CLVS1: variants seen among roughly 807,000 people sequenced by gnomAD.
CLVS1 encodes the protein clavesin 1, also known as clavesin-1.
Under a neutral mutation model 33.1 loss-of-function variants are expected in CLVS1, and 10 were observed. The ratio of observed to expected loss-of-function variants is 0.30; its 90% CI spans 0.19 to 0.51. The LOEUF (loss-of-function observed/expected upper bound fraction) is 0.51, where lower values mean the gene tolerates loss of function less well. Ranked by LOEUF, CLVS1 falls within the 20% of genes least tolerant of loss-of-function variation. The pLI is 0.97. For missense variants in CLVS1, 343 were observed against 433.4 expected (o/e 0.79, Z 1.85); for synonymous variants, 163 against 166.1 (o/e 0.98, Z 0.14).
the CLVS1 span, among the ~76,000 whole-genome samples, chr8:60,998,486 G>C: frequency 3.3e-5 from 5 of 152,146 alleles, no homozygotes; most frequent in Non-Finnish European, 1.5e-5. Flanking sequence ...GTGGCCATGA[G>C]AGCCTCCCTG....
At chr8:61,314,952 C>T (rs948234535) in intron 2 of CLVS1, among the ~76,000 whole-genome samples, 1 of 152,118 alleles carries the variant, frequency 6.6e-6, no homozygotes, top group African/African-American at 2.4e-5. Flanking sequence ...GATCTGTAGC[C>T]GTGCATGAAT....
At chr8:61,105,853 T>G (rs759845415) in intron 1 of CLVS1, among the ~76,000 whole-genome samples, 11 of 152,100 alleles carry the variant, frequency 7.2e-5, no homozygotes, top group Non-Finnish European at 1.3e-4. Flanking sequence ...TGTCATGGAC[T>G]GCAACCCGTC....
the CLVS1 span, among the ~76,000 whole-genome samples, chr8:61,033,065 AAGAAAGAAG>A: frequency 3.4e-4 from 46 of 133,450 alleles, no homozygotes; most frequent in African/African-American, 1.2e-3. Flanking sequence ...GAAAGATAGA[AAGAAAGAAG>A]GAAGGAAGGA....
At chr8:61,044,709 T>C in the CLVS1 span, among the ~76,000 whole-genome samples, 1 of 152,100 alleles carries the variant, frequency 6.6e-6, no homozygotes, top group Admixed American at 6.5e-5. Context: ...TTGAAAGACA[T>C]TGGGGTGCAA....
intron 1 of CLVS1, among the ~76,000 whole-genome samples, chr8:61,116,547 ATAAGGTG>A (rs1055963758): frequency 2.4e-4 from 36 of 152,290 alleles, no homozygotes; most frequent in African/African-American, 8.4e-4. Context: ...TGATTTTTGT[ATAAGGTG>A]TAACAAAGGG....
chr8:61,152,710 A>G (rs899451339), intron 2 of CLVS1, among the ~76,000 whole-genome samples: 3 of 152,142 alleles, frequency 2.0e-5, no homozygotes, highest in Admixed American at 1.3e-4. Context: ...GTACTGTTGC[A>G]TTGGGGATTA....
At chr8:61,112,287 A>G (rs1805642947) in intron 1 of CLVS1, among the ~76,000 whole-genome samples, 1 of 152,072 alleles carries the variant, frequency 6.6e-6, no homozygotes, top group Non-Finnish European at 1.5e-5. Flanking sequence ...TTATAGAATA[A>G]GGCCTACTTG....
At chr8:61,013,128 G>C in the CLVS1 span, among the ~76,000 whole-genome samples, 2,612 of 152,292 alleles carry the variant, frequency 0.017, 73 homozygotes, top group African/African-American at 0.059. Context: ...GGGACAGACA[G>C]ACATTGCCAA....
At chr8:61,310,046 G>A (rs1232859494) in intron 2 of CLVS1, among the ~76,000 whole-genome samples, 2 of 152,196 alleles carry the variant, frequency 1.3e-5, no homozygotes, top group Admixed American at 6.5e-5. Context: ...GGAAAGAAGG[G>A]AGGAGGCAAG....
At position 61,099,349 on chromosome 8, in the gene CLVS1, A is replaced by C. The variant is rs912557363; in HGVS notation, c.-242-32421A>C. Among the ~76,000 whole-genome samples the C allele has an allele frequency of 4.6e-5, 7 of 151,980 alleles. No individual in the cohort carries two copies. The East Asian group carries it at 1.3e-3, about 29-fold the overall frequency. The stretch of plus-strand genomic sequence containing the variant: ...GAGCGGCTGGAGAGGTAGAGTAGCA[A>C]ATTCAATGGGAAGCCAGGACTCTTC... On this transcript the variant is annotated intron_variant, in intron 1 of 2. Transcript: ENST00000522621.
At chr8:60,975,263 A>G in the CLVS1 span, among the ~76,000 whole-genome samples, 1 of 152,178 alleles carries the variant, frequency 6.6e-6, no homozygotes, top group Non-Finnish European at 1.5e-5. Context: ...CACTCTTTGT[A>G]AAAGAGCACT....
chr8:61,287,519 G>C (rs1476155149), upstream of CLVS1, among the ~76,000 whole-genome samples: 1 of 151,994 alleles, frequency 6.6e-6, no homozygotes, highest in Non-Finnish European at 1.5e-5. Flanking sequence ...CTTGTGCTTA[G>C]AAAACCTTTC....
At chr8:61,241,939 G>T (rs1000323849) in intron 2 of CLVS1, among the ~76,000 whole-genome samples, 2 of 151,640 alleles carry the variant, frequency 1.3e-5, no homozygotes, top group African/African-American at 4.8e-5. Flanking sequence ...CACAGTTGTT[G>T]TTTCATTTCT....
At chr8:61,012,272 C>T in the CLVS1 span, among the ~76,000 whole-genome samples, 5 of 152,156 alleles carry the variant, frequency 3.3e-5, no homozygotes, top group Admixed American at 2.0e-4. Context: ...ACCACACTGC[C>T]CACCTTCTCG....
At chr8:61,365,497 A>C (rs1213911307) in intron 2 of CLVS1, among the ~76,000 whole-genome samples, 1 of 151,700 alleles carries the variant, frequency 6.6e-6, no homozygotes, top group Non-Finnish European at 1.5e-5. Flanking sequence ...ACTGCACTCC[A>C]GCCTAGGTGA....
the CLVS1 span, among the ~76,000 whole-genome samples, chr8:60,992,356 A>C: frequency 6.6e-6 from 1 of 152,190 alleles, no homozygotes; most frequent in African/African-American, 2.4e-5. Context: ...AGGGAGCTGC[A>C]GTTATAGGAA....
At chr8:61,118,375 A>G (rs1173101437) in intron 1 of CLVS1, among the ~76,000 whole-genome samples, 2 of 150,862 alleles carry the variant, frequency 1.3e-5, no homozygotes, top group Non-Finnish European at 2.9e-5. Flanking sequence ...TATTTCCTTC[A>G]GTTCTGCTCT....
chr8:61,045,943 G>A, the CLVS1 span, among the ~76,000 whole-genome samples: 37,394 of 152,082 alleles, frequency 0.25, 4,778 homozygotes, highest in Middle Eastern at 0.37. Context: ...TAGGTTGCCT[G>A]TACACTCTGA....
At chr8:61,037,158 A>G in the CLVS1 span, among the ~76,000 whole-genome samples, 12 of 152,220 alleles carry the variant, frequency 7.9e-5, no homozygotes, top group African/African-American at 2.4e-4. Flanking sequence ...TTGTGTCAAA[A>G]TAGACATGAA....
Sources: allele counts gnomAD v4.1 joint callset (sites outside exome capture counted in the v4.1 genomes callset), GRCh38; gene constraint gnomAD v4.1.1; transcripts MANE v1.5; gene names NCBI Gene and HGNC (gene_info 2026-07-23, HGNC 2026-07-21).